TJP1: variants seen among roughly 807,000 people sequenced by gnomAD.
TJP1 encodes the protein tight junction protein 1.
A neutral mutation model predicts 194.2 loss-of-function variants in TJP1; 43 were observed. The ratio of observed to expected loss-of-function variants is 0.22; its 90% CI spans 0.17 to 0.29. The LOEUF (loss-of-function observed/expected upper bound fraction) is 0.29, where lower values mean the gene tolerates loss of function less well. Ranked by LOEUF, TJP1 falls within the 10% of genes least tolerant of loss-of-function variation. The pLI, the probability that TJP1 is intolerant of heterozygous loss-of-function variation, is 1.00. For missense variants in TJP1, 1,971 were observed against 2,185.7 expected (o/e 0.90, Z 1.96); for synonymous variants, 801 against 779.0 (o/e 1.03, Z -0.47).
intron 2 of TJP1, among the ~76,000 whole-genome samples, chr15:29,798,269 CGT>C (rs1491434915): frequency 9.8e-5 from 3 of 30,712 alleles, no homozygotes; most frequent in Non-Finnish European, 1.9e-4. Context: ...CTGTGCCCAG[CGT>C]TTTTTTTTTT....
intron 8 of TJP1, among the ~76,000 whole-genome samples, chr15:29,749,351 T>C (rs957613750): frequency 1.3e-5 from 2 of 152,172 alleles, no homozygotes; most frequent in African/African-American, 4.8e-5. Flanking sequence ...CAATCAAATG[T>C]GTGACCAGTG....
chr15:29,845,322 A>G (rs1191794979), intron 2 of TJP1, among the ~76,000 whole-genome samples: 2 of 152,120 alleles, frequency 1.3e-5, no homozygotes, highest in African/African-American at 4.8e-5. Flanking sequence ...TCAAAGATGG[A>G]TTTTCCAGCT....
intron 2 of TJP1, among the ~76,000 whole-genome samples, chr15:29,949,770 C>T: frequency 1.0e-5 from 1 of 98,202 alleles, no homozygotes; most frequent in African/African-American, 3.5e-5. Flanking sequence ...ACCACTACCT[C>T]CACCACCTCC....
At chr15:29,727,135 G>T in intron 16 of TJP1, 144 bp from the exon 17 acceptor site, 1 of 666,698 alleles carries the variant, frequency 1.5e-6, no homozygotes, top group Non-Finnish European at 2.5e-6. Context: ...CTTGAGGCCA[G>T]GAGTTCCAGA....
At chr15:29,742,310 A>G (rs963792445) in intron 9 of TJP1, among the ~76,000 whole-genome samples, 1 of 152,142 alleles carries the variant, frequency 6.6e-6, no homozygotes, top group Non-Finnish European at 1.5e-5. Context: ...TTATGAAAAC[A>G]CTTTCAAAAA....
chr15:29,844,436 C>T (rs1412642166), intron 2 of TJP1, among the ~76,000 whole-genome samples: 1 of 152,162 alleles, frequency 6.6e-6, no homozygotes, highest in Non-Finnish European at 1.5e-5. Context: ...AGGGTGGACA[C>T]AGGCCAGTGA....
chr15:29,761,618 T>C lies in TJP1; in HGVS notation c.845A>G (p.Asn282Ser). Residue 282 changes from asparagine (N) to serine (S), a missense_variant, in exon 7 of 28, where the codon AAT (asparagine) becomes AGT (serine). By Grantham distance (46) the Asn-to-Ser change is conservative (BLOSUM62 1). Around this residue, in one of 5 missense-constraint regions of TJP1, gnomAD observed 192 missense variants for 182.3 expected, o/e 1.05. Transcript: ENST00000614355. ...ACACTCACCGTCTCTCTCAGAGGCA[T>C]TAGCAGAGTGGATGCTGTCAGAAAG... ...PDLSDSIHSA[N>S]ASERDDISEI... 6.2e-7 allele frequency: 1 copy of C among 1,604,136 alleles called. No individual in the cohort carries two copies. The highest frequency in any genetic ancestry group is 8.5e-7 in the Non-Finnish European group (1 of 1,172,060).
intron 1 of TJP1, among the ~76,000 whole-genome samples, chr15:29,817,187 CA>C (rs915271344): frequency 7.3e-5 from 11 of 151,216 alleles, no homozygotes; most frequent in East Asian, 3.9e-4. Context: ...TTTATGCTGC[CA>C]AAAAAAAGGA....
In TJP1 at chr15:29,751,753, A is replaced by T. The variant is rs1453175465; in HGVS notation, c.1011-8972T>A. On this transcript the variant is annotated intron_variant, in intron 8 of 27. Coordinates refer to ENST00000614355, the MANE Select transcript of TJP1 (RefSeq NM_001330239.4). ...TTATTAGGATTCTCTCAGAGAAAACAGAAAATTGTCTCACATTTAAAAAAT... is the reference window on the plus strand; with the variant it reads ...TTATTAGGATTCTCTCAGAGAAAACTGAAAATTGTCTCACATTTAAAAAAT... Among the ~76,000 whole-genome samples the T allele has an allele frequency of 1.7e-4, 26 of 152,360 alleles. No homozygotes were observed. The East Asian group carries it at 5.0e-3, about 29-fold the overall frequency.
intron 1 of TJP1, among the ~76,000 whole-genome samples, chr15:29,820,072 C>A (rs1033955442): frequency 6.6e-5 from 10 of 152,038 alleles, no homozygotes; most frequent in Admixed American, 6.5e-4. Context: ...ATAAAGAAAA[C>A]CGAATCAAAA....
chr15:29,780,061 T>C (rs1289988403), intron 2 of TJP1, among the ~76,000 whole-genome samples: 2 of 151,656 alleles, frequency 1.3e-5, no homozygotes. Context: ...AAACCCTCTA[T>C]ACCAGCAGTC....
chr15:29,785,496 T>TA (rs943332418), intron 2 of TJP1, among the ~76,000 whole-genome samples: 2 of 151,754 alleles, frequency 1.3e-5, no homozygotes, highest in African/African-American at 4.8e-5. Context: ...CTTGGTTCCT[T>TA]AAAAAAAAAT....
intron 2 of TJP1, among the ~76,000 whole-genome samples, chr15:29,864,141 C>T (rs2052204970): frequency 6.6e-6 from 1 of 150,532 alleles, no homozygotes; most frequent in South Asian, 2.1e-4. Flanking sequence ...CACCTGTAAT[C>T]TCAGCACTTC....
chr15:29,943,978 A>C (rs1319566168), intron 2 of TJP1, among the ~76,000 whole-genome samples: 1 of 152,110 alleles, frequency 6.6e-6, no homozygotes, highest in Admixed American at 6.5e-5. Flanking sequence ...ACTAAATAAG[A>C]CTAAACAAAA....
intron 2 of TJP1, among the ~76,000 whole-genome samples, chr15:29,871,087 T>C (rs2052501726): frequency 2.0e-5 from 3 of 152,064 alleles, no homozygotes; most frequent in South Asian, 2.1e-4. Flanking sequence ...GTGTTCTCAC[T>C]GGACAAAGGA....
intron 4 of TJP1, among the ~76,000 whole-genome samples, chr15:29,767,028 C>T (rs1026376320): frequency 1.4e-4 from 21 of 152,162 alleles, no homozygotes; most frequent in African/African-American, 4.6e-4. Context: ...ATTCTATAGC[C>T]GCACTAACAT....
At chr15:29,880,843 T>C (rs1178969755) in intron 2 of TJP1, among the ~76,000 whole-genome samples, 1 of 152,222 alleles carries the variant, frequency 6.6e-6, no homozygotes, top group Non-Finnish European at 1.5e-5. Context: ...CATTCCTCTG[T>C]TGATGGACAG....
At chr15:29,908,570 T>C (rs941525386) in intron 2 of TJP1, among the ~76,000 whole-genome samples, 1 of 152,206 alleles carries the variant, frequency 6.6e-6, no homozygotes, top group Admixed American at 6.5e-5. Context: ...AATTTTATTC[T>C]GATATTAAGT....
intron 2 of TJP1, among the ~76,000 whole-genome samples, chr15:29,785,328 GT>G (rs2047632957): frequency 6.6e-6 from 1 of 152,126 alleles, no homozygotes; most frequent in African/African-American, 2.4e-5. Flanking sequence ...TATGTGTCCT[GT>G]TTTACTGGAC....
Sources: allele counts gnomAD v4.1 joint callset (sites outside exome capture counted in the v4.1 genomes callset), GRCh38; gene constraint gnomAD v4.1.1; regional missense constraint gnomAD v4.1.1; transcripts MANE v1.5; gene names NCBI Gene and HGNC (gene_info 2026-07-23, HGNC 2026-07-21).